EPB41L4A: variants seen among roughly 807,000 people sequenced by gnomAD.
The protein encoded by EPB41L4A is erythrocyte membrane protein band 4.1 like 4A, also known as band 4.1-like protein 4A.
A neutral mutation model predicts 108.6 loss-of-function variants in EPB41L4A; 100 were observed. The observed-to-expected ratio is 0.92, with a 90% CI of 0.78 to 1.09. The LOEUF is 1.09. EPB41L4A is among the 50% of genes least tolerant of loss of function. EPB41L4A has a pLI of 0.00. For missense variants in EPB41L4A, 1,030 were observed against 842.7 expected, an observed-to-expected ratio of 1.22 and a Z score of -2.75; for synonymous variants, 319 against 289.0, an observed-to-expected ratio of 1.10 and a Z score of -1.05.
intron 1 of EPB41L4A, among the ~76,000 whole-genome samples, chr5:112,407,743 T>C (rs754928604): frequency 1.3e-5 from 2 of 152,134 alleles, no homozygotes; most frequent in African/African-American, 2.4e-5. Flanking sequence ...TCAGAGCTTA[T>C]AGAGAAAAGT....
chr5:112,375,127 G>A (rs1759729872), intron 1 of EPB41L4A, among the ~76,000 whole-genome samples: 1 of 152,212 alleles, frequency 6.6e-6, no homozygotes, highest in Middle Eastern at 3.4e-3. Context: ...GCTCCACTGG[G>A]TGACTTTAAA....
At chr5:112,174,449 T>C (rs1228584627) in intron 18 of EPB41L4A, among the ~76,000 whole-genome samples, 3 of 152,140 alleles carry the variant, frequency 2.0e-5, no homozygotes, top group Non-Finnish European at 4.4e-5. Flanking sequence ...ATATAGAAAA[T>C]AAACATGCAG....
Position 112,323,553 on chromosome 5 carries a change from T to C in EPB41L4A, c.100-16063A>G, listed in dbSNP as rs191611352. On this transcript the variant is annotated intron_variant, in intron 1 of 22. Transcript: ENST00000261486. Reference sequence around the variant, plus strand: ...GAACAGGCAACTCAACTACTCCTTATTAAGTAAATACCCTCTACTCAGTCC... The same window carrying C: ...GAACAGGCAACTCAACTACTCCTTACTAAGTAAATACCCTCTACTCAGTCC... Among the ~76,000 whole-genome samples, 182 of 152,358 alleles carry C rather than the reference T, an allele frequency of 1.2e-3. 1 individual carries two copies. Among genetic ancestry groups the C allele is most frequent in the African/African-American group, 4.2e-3 (174 of 41,586 alleles).
At chr5:112,377,166 C>T (rs1298281415) in intron 1 of EPB41L4A, among the ~76,000 whole-genome samples, 6 of 149,568 alleles carry the variant, frequency 4.0e-5, no homozygotes, top group Admixed American at 4.0e-4. Context: ...GATCATGCCA[C>T]TGTACTTCAG....
chr5:112,339,075 A>G (rs2042884), intron 1 of EPB41L4A, among the ~76,000 whole-genome samples: 135,586 of 152,084 alleles, frequency 0.89, 60,513 homozygotes, highest in South Asian at 0.96. Flanking sequence ...TGCAAGAGAT[A>G]CTGGAGGGAA....
At chr5:112,280,119 T>G (rs1752871343) in intron 3 of EPB41L4A, among the ~76,000 whole-genome samples, 153 bp downstream of exon 3, 1 of 152,186 alleles carries the variant, frequency 6.6e-6, no homozygotes, top group Admixed American at 6.5e-5. Flanking sequence ...GGCCTAGCAA[T>G]GCACACAATA....
At chr5:112,397,272 TGA>T (rs1349679308) in intron 1 of EPB41L4A, among the ~76,000 whole-genome samples, 2 of 152,250 alleles carry the variant, frequency 1.3e-5, no homozygotes, top group African/African-American at 2.4e-5. Flanking sequence ...GAAATAACTT[TGA>T]GAGTTTCTCT....
chr5:112,292,654 AT>A (rs1449397032), intron 2 of EPB41L4A, among the ~76,000 whole-genome samples: 22 of 152,168 alleles, frequency 1.4e-4, no homozygotes, highest in Admixed American at 1.4e-3. Context: ...AGAATAGAAA[AT>A]ATTCCATAAA....
intron 1 of EPB41L4A, among the ~76,000 whole-genome samples, chr5:112,388,936 A>G (rs1210533236): frequency 6.6e-6 from 1 of 152,178 alleles, no homozygotes; most frequent in East Asian, 1.9e-4. Flanking sequence ...GAGCTCCCAG[A>G]GGTAAATACA....
intron 1 of EPB41L4A, among the ~76,000 whole-genome samples, chr5:112,365,471 G>C (rs535418965): frequency 6.0e-4 from 84 of 139,832 alleles, no homozygotes; most frequent in African/African-American, 2.3e-3. Flanking sequence ...AGACACTAAA[G>C]ACTGATTTTT....
chr5:112,265,004 T>A lies in EPB41L4A; in HGVS notation c.446A>T (p.Asp149Val), dbSNP rs751714954. 1 of 1,582,458 alleles carries A rather than the reference T, an allele frequency of 6.3e-7. No individual in the cohort carries two copies. The highest frequency in any genetic ancestry group is 1.2e-5 in the South Asian group (1 of 83,304). The change falls in exon 6 of 23, where the codon GAT becomes GTT. Residue 149 changes from aspartate to valine, a missense_variant. Transcript: ENST00000261486. ...GAYAIQSELG[D>V]YDPYKHTAGY... is the part of the protein sequence containing the mutation. ...TGCAGTATGTTTATATGGGTCATAA[T>A]CTCCAAGCTCCGCTAAAAAAGAAAG... is the stretch of plus-strand genomic sequence containing the variant.
At chr5:112,329,194 T>C (rs1020480869) in intron 1 of EPB41L4A, among the ~76,000 whole-genome samples, 2 of 152,262 alleles carry the variant, frequency 1.3e-5, no homozygotes, top group Admixed American at 6.5e-5. Flanking sequence ...TAATTTTTTA[T>C]TGATTACATG....
At chr5:112,342,695 G>C (rs1757391666) in intron 1 of EPB41L4A, among the ~76,000 whole-genome samples, 1 of 152,198 alleles carries the variant, frequency 6.6e-6, no homozygotes, top group South Asian at 2.1e-4. Context: ...AAGCAGATCA[G>C]ACCCAAAGGG....
chr5:112,167,835 C>A (rs552373847), intron 22 of EPB41L4A, among the ~76,000 whole-genome samples: 7 of 152,134 alleles, frequency 4.6e-5, no homozygotes, highest in Non-Finnish European at 2.9e-5. Context: ...TTGCTCCAGT[C>A]ATTGATAAAA....
intron 12 of EPB41L4A, among the ~76,000 whole-genome samples, chr5:112,213,271 G>A (rs1271044270): frequency 6.6e-6 from 1 of 151,850 alleles, no homozygotes; most frequent in Non-Finnish European, 1.5e-5. Flanking sequence ...GGTATAATCA[G>A]TAATATGACT....
chr5:112,310,784 T>G (rs72781676), intron 1 of EPB41L4A, among the ~76,000 whole-genome samples: 32,579 of 151,976 alleles, frequency 0.21, 5,021 homozygotes, highest in African/African-American at 0.43. Flanking sequence ...ATCCCCCTAT[T>G]TGAGTCTTGG....
chr5:112,242,876 C>A (rs985841841), intron 9 of EPB41L4A, among the ~76,000 whole-genome samples: 2 of 152,114 alleles, frequency 1.3e-5, no homozygotes, highest in African/African-American at 4.8e-5. Flanking sequence ...TGAAAGGAAT[C>A]CTTTTTTTTC....
chr5:112,383,819 T>A (rs765562622), intron 1 of EPB41L4A, among the ~76,000 whole-genome samples: 1 of 151,998 alleles, frequency 6.6e-6, no homozygotes, highest in Non-Finnish European at 1.5e-5. Context: ...GAAAAAACAG[T>A]CAACAAACTA....
chr5:112,202,205 G>C (rs1762253546), intron 15 of EPB41L4A, among the ~76,000 whole-genome samples: 1 of 152,192 alleles, frequency 6.6e-6, no homozygotes, highest in African/African-American at 2.4e-5. Context: ...ATCTCCAGCA[G>C]TGTCAGCAAG....
Sources: gnomAD v4.1 joint callset for allele counts (sites outside exome capture counted in the v4.1 genomes callset) on GRCh38, gnomAD v4.1.1 for gene constraint, MANE v1.5 for transcripts, NCBI Gene and HGNC (gene_info 2026-07-23, HGNC 2026-07-21) for gene names.